The following DAB1 variants were observed in gnomAD, a reference collection of about 807,000 sequenced individuals.
DAB1 encodes the protein disabled homolog 1.
DAB1 carries 15 observed loss-of-function variants against 64.6 expected under a neutral mutation model. The ratio of observed to expected loss-of-function variants is 0.23; its 90% CI spans 0.16 to 0.36. DAB1 has a LOEUF of 0.36. Ranked by LOEUF, DAB1 falls within the 10% of genes least tolerant of loss-of-function variation. DAB1 has a pLI of 1.00. For missense variants in DAB1, 596 were observed against 706.7 expected, an observed-to-expected ratio of 0.84 and a Z score of 1.78; for synonymous variants, 235 against 251.9, an observed-to-expected ratio of 0.93 and a Z score of 0.64.
intron 1 of DAB1, among the ~76,000 whole-genome samples, chr1:57,321,039 T>A (rs1309140123): frequency 6.6e-6 from 1 of 152,162 alleles, no homozygotes; most frequent in South Asian, 2.1e-4. Flanking sequence ...ACCAAATGCA[T>A]TAATTTTACA....
At chr1:57,787,445 C>T (rs1332601136) in intron 6 of DAB1, among the ~76,000 whole-genome samples, 1 of 151,904 alleles carries the variant, frequency 6.6e-6, no homozygotes, top group Non-Finnish European at 1.5e-5. Context: ...TCAAATAGCA[C>T]TGGAACAATT....
intron 3 of DAB1, among the ~76,000 whole-genome samples, chr1:58,492,360 G>A (rs374273706): frequency 6.6e-5 from 10 of 152,034 alleles, no homozygotes; most frequent in Non-Finnish European, 1.5e-4. Flanking sequence ...AAGAACTAGA[G>A]AAGCAAGAGC....
At position 56,996,586 on chromosome 1, in the gene DAB1, A is replaced by C. The variant is rs1015307261; in HGVS notation, c.*1558T>G. On this transcript the variant is annotated 3_prime_UTR_variant, in exon 15 of 15. Coordinates refer to ENST00000371236, the MANE Select transcript of DAB1 (RefSeq NM_001365792.1). ...AGTGGGGAGGTGGGAGAGTTTCAGA[A>C]TCTGAATTCTTCAGAATGTGAATTG... 1 of 152,378 alleles carries C rather than the reference A, an allele frequency of 6.6e-6. No homozygotes were observed. Among genetic ancestry groups the C allele is most frequent in the Non-Finnish European group, 1.5e-5 (1 of 68,048 alleles). The allele number at this position is 152,378 out of a possible 1,614,324, so 9.4% of individuals were successfully genotyped here. A position where few individuals can be genotyped will look rare whatever the true frequency, so the allele number is the denominator to read the frequency against.
chr1:58,055,999 C>G (rs12022316), intron 5 of DAB1: 13 of 686,206 alleles, frequency 1.9e-5, no homozygotes, highest in Non-Finnish European at 2.8e-5. Flanking sequence ...CGGCCTCACA[C>G]AGTGCTAAAA....
chr1:57,123,627 T>C (rs1350819760), intron 4 of DAB1, among the ~76,000 whole-genome samples: 1 of 152,108 alleles, frequency 6.6e-6, no homozygotes, highest in Non-Finnish European at 1.5e-5. Context: ...ATAATGACAG[T>C]AGTGTTCAAA....
chr1:58,506,113 T>C (rs1645985162), exon 3 of DAB1: 2 of 872,422 alleles, frequency 2.3e-6, no homozygotes, highest in Non-Finnish European at 4.0e-6. Flanking sequence ...GAAGGGTGTG[T>C]AGATAACCAT....
chr1:57,263,274 C>T (rs1013146291), intron 2 of DAB1, among the ~76,000 whole-genome samples: 4 of 152,038 alleles, frequency 2.6e-5, no homozygotes, highest in Non-Finnish European at 4.4e-5. Flanking sequence ...TGCCACCGTG[C>T]CAGGCTAAAT....
intron 3 of DAB1, among the ~76,000 whole-genome samples, chr1:58,462,947 T>A (rs1186080621): frequency 1.3e-5 from 2 of 152,186 alleles, no homozygotes; most frequent in Non-Finnish European, 2.9e-5. Context: ...AGCTTCCTTG[T>A]CTGTAAAATG....
At chr1:58,238,181 A>G (rs889823511) in intron 4 of DAB1, among the ~76,000 whole-genome samples, 2 of 152,226 alleles carry the variant, frequency 1.3e-5, no homozygotes, top group Non-Finnish European at 2.9e-5. Flanking sequence ...TAATACAAGC[A>G]GTAGGATAGA....
chr1:57,207,784 T>G (rs570048611), intron 2 of DAB1, among the ~76,000 whole-genome samples: 52 of 152,310 alleles, frequency 3.4e-4, no homozygotes, highest in Middle Eastern at 3.4e-3. Flanking sequence ...CCTCTCTAGA[T>G]AGTAACTTCT....
intron 7 of DAB1, among the ~76,000 whole-genome samples, chr1:57,563,483 G>C (rs1250982704): frequency 6.6e-6 from 1 of 152,150 alleles, no homozygotes; most frequent in Non-Finnish European, 1.5e-5. Context: ...AGCCGAAGCA[G>C]GGTGAGGCAT....
At chr1:58,070,374 G>A (rs957046176) in intron 5 of DAB1, among the ~76,000 whole-genome samples, 1 of 152,204 alleles carries the variant, frequency 6.6e-6, no homozygotes, top group African/African-American at 2.4e-5. Flanking sequence ...ACATGGATTT[G>A]CTGGTTTGGT....
intron 4 of DAB1, among the ~76,000 whole-genome samples, chr1:58,274,687 G>T (rs1661392180): frequency 1.3e-5 from 2 of 152,220 alleles, no homozygotes; most frequent in African/African-American, 2.4e-5. Flanking sequence ...CTCAGAGCCA[G>T]GTGTGGGATA....
Position 58,372,891 on chromosome 1 carries a change from G to C in DAB1, n.258-29488C>G, listed in dbSNP as rs186639649. 3.6e-3 allele frequency among the ~76,000 whole-genome samples: 546 copies of C among 152,208 alleles called. 4 individuals are homozygous for C. Among genetic ancestry groups the C allele is most frequent in the African/African-American group, 0.012 (519 of 41,536 alleles). On this transcript the variant is annotated intron_variant and non_coding_transcript_variant, in intron 3 of 20. Coordinates refer to the DAB1 transcript ENST00000485760. ...GAGAACTCCCCACCCCTGTAGAACT[G>C]TGCGTCAATTAAACCTCTTTTCTTT... is the stretch of plus-strand genomic sequence containing the variant.
chr1:57,998,680 G>C (rs1175644873), intron 5 of DAB1, among the ~76,000 whole-genome samples: 3 of 152,116 alleles, frequency 2.0e-5, no homozygotes, highest in Non-Finnish European at 4.4e-5. Context: ...GACAAACAGA[G>C]ATAAGACTTT....
intron 9 of DAB1, among the ~76,000 whole-genome samples, chr1:57,036,463 T>C (rs906792712): frequency 1.3e-5 from 2 of 152,166 alleles, no homozygotes; most frequent in Non-Finnish European, 2.9e-5. Flanking sequence ...GTGCACTTCC[T>C]CCAGCCAGTG....
At chr1:58,167,502 G>A (rs957620783) in intron 4 of DAB1, among the ~76,000 whole-genome samples, 20 of 152,202 alleles carry the variant, frequency 1.3e-4, no homozygotes, top group African/African-American at 4.3e-4. Flanking sequence ...CTGTAAAATG[G>A]ATCAATCAGC....
At chr1:58,438,991 T>C (rs1427749693) in intron 3 of DAB1, among the ~76,000 whole-genome samples, 1 of 151,454 alleles carries the variant, frequency 6.6e-6, no homozygotes, top group Non-Finnish European at 1.5e-5. Context: ...TGGCATGAGG[T>C]GGGACTGCGA....
intron 1 of DAB1, among the ~76,000 whole-genome samples, chr1:57,322,799 A>G (rs11584543): frequency 0.019 from 2,849 of 152,252 alleles, 42 homozygotes; most frequent in Non-Finnish European, 0.029. Context: ...GAAAATGCTA[A>G]CCTGGAGGGG....
Sources: gnomAD v4.1 joint callset for allele counts (sites outside exome capture counted in the v4.1 genomes callset) on GRCh38, gnomAD v4.1.1 for gene constraint, MANE v1.5 for transcripts, NCBI Gene and HGNC (gene_info 2026-07-23, HGNC 2026-07-21) for gene names.